ABCB8: variants seen among roughly 807,000 people sequenced by gnomAD.
ABCB8 encodes mitochondrial potassium channel ATP-binding subunit.
ABCB8 carries 52 observed loss-of-function variants against 73.0 expected under a neutral mutation model. The observed-to-expected ratio is 0.71, with a 90% CI of 0.57 to 0.90. The LOEUF is 0.90. Ranked by LOEUF, ABCB8 falls within the 40% of genes least tolerant of loss-of-function variation. The probability of loss-of-function intolerance (pLI) is 0.00; values close to 1 mark genes in which losing one functional copy is unlikely to be tolerated. For missense variants in ABCB8, 909 were observed against 974.6 expected, an observed-to-expected ratio of 0.93 and a Z score of 0.90; for synonymous variants, 428 against 423.5, an observed-to-expected ratio of 1.01 and a Z score of -0.13.
intron 1 of ABCB8, chr7:151,029,450 G>T: frequency 6.6e-6 from 1 of 152,354 alleles, no homozygotes. Flanking sequence ...GAATGTAAAT[G>T]CTTTATGAGA....
chr7:151,028,780 T>A, intron 1 of ABCB8, 170 bp downstream of exon 1: 1 of 1,539,884 alleles, frequency 6.5e-7, no homozygotes, highest in Admixed American at 1.9e-5. Context: ...TTATTTATAG[T>A]GACACTCCAG....
intron 7 of ABCB8, 45 bp from the exon 8 acceptor site, chr7:151,036,028 G>C (rs76225344): frequency 1.2e-6 from 2 of 1,612,536 alleles, no homozygotes; most frequent in African/African-American, 1.3e-5. Context: ...CCAACCCTTC[G>C]TGCCAGCCCA....
intron 8 of ABCB8, 38 bp downstream of exon 8, chr7:151,036,208 G>A (rs747081126): frequency 1.3e-6 from 2 of 1,561,934 alleles, no homozygotes; most frequent in Admixed American, 1.8e-5. Context: ...GGCGCTTGTG[G>A]GCTGGGGAGG....
At position 151,046,086 on chromosome 7, in the gene ABCB8, T is replaced by A. The variant is rs1796604035; in HGVS notation, c.*737T>A. On this transcript the variant is annotated 3_prime_UTR_variant, in exon 16 of 16. Transcript: ENST00000358849. ...CCAGTTCCCACGAGAAGCGCCAGCC[T>A]GCCTGGCTGTCTTCCACCGGCCCTG... 1 of 152,294 alleles carries A rather than the reference T, an allele frequency of 6.6e-6. No homozygotes were observed. The highest frequency in any genetic ancestry group is 2.1e-4 in the South Asian group (1 of 4,836). The allele number at this position is 152,294 out of a possible 1,614,324, so 9.4% of individuals were successfully genotyped here. A position where few individuals can be genotyped will look rare whatever the true frequency, so the allele number is the denominator to read the frequency against.
intron 1 of ABCB8, chr7:151,033,138 G>C (rs1796209347): frequency 2.2e-6 from 1 of 457,778 alleles, no homozygotes; most frequent in Non-Finnish European, 4.4e-6. Flanking sequence ...AGGTGGGGCT[G>C]TGTCTGCCCT....
chr7:151,035,935 G>A lies in ABCB8; in HGVS notation c.981G>A (p.Val327=), dbSNP rs367985731. The A allele has an allele frequency of 3.1e-5, 50 of 1,613,862 alleles. No homozygotes were observed. The African/African-American group carries it at 6.7e-4, about 22-fold the overall frequency. Residue 327 remains valine (V), a synonymous_variant, in exon 7 of 16, where the codon GTG becomes GTA. Coordinates refer to ENST00000358849, the MANE Select transcript of ABCB8 (RefSeq NM_007188.5). ...ADEALGNVRT[V]RAFAMEQREE... ...AGGCCCTGGGCAATGTGCGGACTGTGCGTGCCTTCGCCATGGAGCAACGGG... is the reference window on the plus strand; with the variant it reads ...AGGCCCTGGGCAATGTGCGGACTGTACGTGCCTTCGCCATGGAGCAACGGG...
At chr7:151,038,305 GAAGTT>G (rs1261660816) in intron 9 of ABCB8, 2 of 152,178 alleles carry the variant, frequency 1.3e-5, no homozygotes, top group African/African-American at 4.8e-5. Context: ...GGTGGATCGT[GAAGTT>G]AAGAGATCGA....
chr7:151,032,945 C>A, intron 1 of ABCB8: 2 of 450,650 alleles, frequency 4.4e-6, no homozygotes, highest in African/African-American at 2.0e-5. Flanking sequence ...CAGAGTAGAG[C>A]CAGCCTGGGT....
In ABCB8 at chr7:151,040,248, CT is replaced by C. The variant is rs1220182826; in HGVS notation, c.1218-19del. 8.7e-6 allele frequency: 14 copies of C among 1,610,696 alleles called. No homozygotes were observed. The East Asian group carries it at 2.5e-4, about 28-fold the overall frequency. On this transcript the variant is annotated intron_variant, in intron 9 of 15. Coordinates refer to ENST00000358849, the MANE Select transcript of ABCB8 (RefSeq NM_007188.5). The stretch of plus-strand genomic sequence containing the variant: ...CTTCTTGTTCCCATCTATTCCACCC[CT>C]CTCTCCTTTTTCTGACAGGTCCATG...
rs748519673 is a variant in ABCB8 at position 151,035,565 on chromosome 7, C to G, written c.766-16C>G. 19 of 1,577,702 alleles carry G rather than the reference C, an allele frequency of 1.2e-5. 1 individual carries two copies. The Admixed American group carries it at 3.3e-4, about 27-fold the overall frequency. The stretch of plus-strand genomic sequence containing the variant: ...TGCGGACGCCGTAGCCTCCCGCCTT[C>G]CCTCCCACTCCCTAGGGGCTGCGAA... On this transcript the variant is annotated splice_polypyrimidine_tract_variant and intron_variant, in intron 5 of 15. Transcript: ENST00000358849.
In ABCB8 at chr7:151,045,301, A is replaced by C. The variant is rs61741011; in HGVS notation, c.2109A>C (p.Pro703=). 77,309 of 1,597,986 alleles carry C rather than the reference A, an allele frequency of 0.048. 2,032 individuals are homozygous for C. Among genetic ancestry groups the C allele is most frequent in the East Asian group, 0.076 (3,261 of 43,104 alleles). Residue 703 remains proline, a synonymous_variant, in exon 16 of 16, where the codon CCA becomes CCC. Coordinates refer to ENST00000358849, the MANE Select transcript of ABCB8 (RefSeq NM_007188.5). ...QALDAPRTAA[P]PPKKPEGPRS... is the part of the protein sequence containing the mutation. Reference sequence around the variant, plus strand: ...TGGATGCCCCGAGGACAGCGGCCCCACCGCCCAAAAAGCCAGAAGGCCCCA... The same window carrying C: ...TGGATGCCCCGAGGACAGCGGCCCCCCCGCCCAAAAAGCCAGAAGGCCCCA...
At chr7:151,040,752 A>AGG in intron 11 of ABCB8, 76 bp from the exon 12 acceptor site, 1 of 1,601,918 alleles carries the variant, frequency 6.2e-7, no homozygotes, top group Non-Finnish European at 8.5e-7. Flanking sequence ...AGAGGGCTAC[A>AGG]GGGAGACTTC....
chr7:151,037,839 TC>T, intron 9 of ABCB8: 1 of 169,982 alleles, frequency 5.9e-6, no homozygotes, highest in Non-Finnish European at 1.3e-5. Context: ...AACCTGACAT[TC>T]CACAGAGACG....
Position 151,034,280 on chromosome 7 carries a change from T to G in ABCB8, c.416T>G (p.Leu139Trp), listed in dbSNP as rs778224107. The G allele has an allele frequency of 6.2e-7, 1 of 1,612,100 alleles. No individual in the cohort carries two copies. The highest frequency in any genetic ancestry group is 1.7e-5 in the Admixed American group (1 of 59,902). The change falls in exon 3 of 16, where the codon TTG becomes TGG. Residue 139 changes from leucine to tryptophan, a missense_variant. By Grantham distance (61) the Leu-to-Trp change is moderately conservative. Coordinates refer to ENST00000358849, the MANE Select transcript of ABCB8 (RefSeq NM_007188.5). ...TCTGTCTCCCCATTCCAGCTGGCCT[T>G]GGGTGCGGCACTCGTGAATGTACAG... is the stretch of plus-strand genomic sequence containing the variant. ...LVLGVAVVLA[L>W]GAALVNVQIP...
chr7:151,041,562 G>A (rs573432862), intron 13 of ABCB8, among the ~76,000 whole-genome samples: 3 of 152,340 alleles, frequency 2.0e-5, no homozygotes, highest in South Asian at 2.1e-4. Flanking sequence ...AGCTGCAGCC[G>A]TTCTCCCTCT....
rs565099004 is a variant in ABCB8, at chr7:151,044,121, G to A, written c.1916G>A (p.Arg639Gln). The A allele has an allele frequency of 3.1e-5, 50 of 1,613,946 alleles. 1 individual carries two copies. Among genetic ancestry groups the A allele is most frequent in the Middle Eastern group, 3.3e-4 (2 of 6,060 alleles). ...CGGGTTGTACAGGAGGCCCTGGACC[G>A]GGCCAGTGCAGGCCGCACGGTGCTG... Reference protein sequence around the residue: ...SERVVQEALDRASAGRTVLVI... With the variant: ...SERVVQEALDQASAGRTVLVI... Residue 639 changes from arginine (R) to glutamine (Q), a missense_variant, in exon 15 of 16, where the codon CGG becomes CAG. Coordinates refer to ENST00000358849, the MANE Select transcript of ABCB8 (RefSeq NM_007188.5).
At chr7:151,040,686 C>T (rs748295976) in intron 11 of ABCB8, 52 bp downstream of exon 11, 65 of 1,600,218 alleles carry the variant, frequency 4.1e-5, no homozygotes, top group Non-Finnish European at 5.5e-5. Flanking sequence ...GGGGATGAGG[C>T]GAGTGGATTC....
In ABCB8 at chr7:151,034,595, C is replaced by T. The variant is rs1239888301; in HGVS notation, c.655C>T (p.Leu219Phe). ...GCGGAGGGCCCTCTTCAGCTCCCTG[C>T]TCCGGTACTGCCAGCCGCAGGGTGC... The part of the protein sequence containing the change: ...DMRRALFSSL[L>F]RQDITFFDAN... Residue 219 changes from leucine to phenylalanine, a missense_variant, in exon 4 of 16, where the codon CTC becomes TTC. By Grantham distance (22) the Leu-to-Phe change is conservative. Coordinates refer to ENST00000358849, the MANE Select transcript of ABCB8 (RefSeq NM_007188.5). The T allele has an allele frequency of 1.9e-6, 3 of 1,613,768 alleles. No homozygotes were observed. The highest frequency in any genetic ancestry group is 1.3e-5 in the African/African-American group (1 of 74,932).
chr7:151,029,046 G>A (rs777026238), intron 1 of ABCB8: 12 of 1,135,430 alleles, frequency 1.1e-5, no homozygotes, highest in Non-Finnish European at 1.3e-5. Context: ...CTAATAGGCC[G>A]GGCGCGGTGG....
Sources: gnomAD v4.1 joint callset for allele counts (sites outside exome capture counted in the v4.1 genomes callset) on GRCh38, gnomAD v4.1.1 for gene constraint, MANE v1.5 for transcripts, NCBI Gene and HGNC (gene_info 2026-07-23, HGNC 2026-07-21) for gene names.